The following ASIC2 variants were observed in gnomAD, a reference collection of about 807,000 sequenced individuals.
ASIC2 encodes the protein acid sensing ion channel subunit 2, also known as acid-sensing ion channel 2.
Under a neutral mutation model 57.3 loss-of-function variants are expected in ASIC2, and 25 were observed. The observed-to-expected ratio is 0.44, with a 90% confidence interval of 0.32 to 0.61. The LOEUF (loss-of-function observed/expected upper bound fraction) is 0.61, where lower values mean the gene tolerates loss of function less well. ASIC2 is among the 20% of genes least tolerant of loss of function. ASIC2 has a pLI of 0.06. For missense variants in ASIC2, 641 were observed against 738.1 expected, an observed-to-expected ratio of 0.87 and a Z score of 1.52; for synonymous variants, 319 against 307.5, an observed-to-expected ratio of 1.04 and a Z score of -0.39.
At chr17:33,537,236 T>C (rs969192518) in intron 1 of ASIC2, among the ~76,000 whole-genome samples, 1 of 152,176 alleles carries the variant, frequency 6.6e-6, no homozygotes, top group Non-Finnish European at 1.5e-5. Context: ...ACATAGCTTG[T>C]TCTGGTGTCA....
chr17:33,389,732 A>G (rs1909822794), intron 1 of ASIC2, among the ~76,000 whole-genome samples: 1 of 152,224 alleles, frequency 6.6e-6, no homozygotes, highest in African/African-American at 2.4e-5. Context: ...GTCTGTCTTC[A>G]TGCATGTGAA....
chr17:33,029,666 T>C (rs1022877248), intron 3 of ASIC2, among the ~76,000 whole-genome samples: 1 of 152,216 alleles, frequency 6.6e-6, no homozygotes, highest in Non-Finnish European at 1.5e-5. Flanking sequence ...GAACAGCTGG[T>C]TTGTAAGATA....
chr17:33,907,584 C>T (rs1221761241), intron 1 of ASIC2, among the ~76,000 whole-genome samples: 1 of 152,194 alleles, frequency 6.6e-6, no homozygotes, highest in Non-Finnish European at 1.5e-5. Flanking sequence ...GCCCACCAGG[C>T]TCATCTCAGC....
intron 1 of ASIC2, among the ~76,000 whole-genome samples, chr17:34,131,590 T>TG (rs993929420): frequency 6.4e-4 from 97 of 152,272 alleles, no homozygotes; most frequent in Non-Finnish European, 1.2e-3. Context: ...CAACCATTCC[T>TG]GGGGGGAAGC....
intron 1 of ASIC2, among the ~76,000 whole-genome samples, chr17:33,966,487 G>C: frequency 6.6e-6 from 1 of 152,034 alleles, no homozygotes; most frequent in Non-Finnish European, 1.5e-5. Flanking sequence ...AAACATATCC[G>C]AACCGCCATA....
In ASIC2 at chr17:33,704,243, G is replaced by A. The variant is rs905402726; in HGVS notation, c.555+451735C>T. Among the ~76,000 whole-genome samples, 7 of 152,198 alleles carry A rather than the reference G, an allele frequency of 4.6e-5. No individual in the cohort carries two copies. In the East Asian group the frequency reaches 7.7e-4, roughly 17 times the overall value. ...CTGTCCTCAAACTGATGCTTTGCTC[G>A]TTATCATGTAAAAAACACAACCCTG... On this transcript the variant is annotated intron_variant, in intron 1 of 9. Coordinates refer to the ASIC2 transcript ENST00000359872.
chr17:33,328,850 A>G (rs1415435205), intron 1 of ASIC2, among the ~76,000 whole-genome samples: 1 of 152,236 alleles, frequency 6.6e-6, no homozygotes, highest in Non-Finnish European at 1.5e-5. Context: ...ATATATACAT[A>G]CATGTATAAA....
chr17:33,300,727 A>G (rs994563529), intron 1 of ASIC2, among the ~76,000 whole-genome samples: 7 of 152,194 alleles, frequency 4.6e-5, no homozygotes, highest in Non-Finnish European at 7.3e-5. Flanking sequence ...TGGCAGAGAG[A>G]TCCAGTTTAG....
At chr17:33,874,188 A>T (rs1914493999) in intron 1 of ASIC2, among the ~76,000 whole-genome samples, 1 of 152,182 alleles carries the variant, frequency 6.6e-6, no homozygotes, top group South Asian at 2.1e-4. Context: ...CCTCTGTCAC[A>T]GCTGGCTGGG....
At chr17:33,909,434 C>T (rs1915414752) in intron 1 of ASIC2, among the ~76,000 whole-genome samples, 2 of 152,182 alleles carry the variant, frequency 1.3e-5, no homozygotes, top group African/African-American at 2.4e-5. Context: ...GGGATGCCTT[C>T]GGGTGAAGGT....
chr17:33,656,737 T>C lies in ASIC2; in HGVS notation c.555+499241A>G, dbSNP rs147939219. ...ACACCCCATGTTCCCCTATGGTGGG[T>C]CTTTATCCCCTCCTGAGTTATAATC... On this transcript the variant is annotated intron_variant, in intron 1 of 9. Coordinates refer to the ASIC2 transcript ENST00000359872. 8.5e-5 allele frequency among the ~76,000 whole-genome samples: 13 copies of C among 152,252 alleles called. No individual in the cohort carries two copies. In the East Asian group the frequency reaches 2.3e-3, roughly 27 times the overall value.
At chr17:33,584,699 G>T (rs1015812417) in intron 1 of ASIC2, among the ~76,000 whole-genome samples, 2 of 151,062 alleles carry the variant, frequency 1.3e-5, no homozygotes, top group Admixed American at 6.6e-5. Flanking sequence ...CTTGGGGTGG[G>T]GTTTGATGGG....
chr17:33,191,616 TGAGGAGGAG>T (rs933299426), intron 1 of ASIC2, among the ~76,000 whole-genome samples: 1 of 145,862 alleles, frequency 6.9e-6, no homozygotes, highest in Non-Finnish European at 1.5e-5. Flanking sequence ...GGGAGGAGAA[TGAGGAGGAG>T]GAGGAGGAGA....
At chr17:33,302,425 C>T (rs553107704) in intron 1 of ASIC2, among the ~76,000 whole-genome samples, 13 of 152,268 alleles carry the variant, frequency 8.5e-5, no homozygotes, top group African/African-American at 3.1e-4. Context: ...TTAATCATGG[C>T]TCTCACCTGG....
chr17:33,613,451 G>A (rs1014468191), intron 1 of ASIC2, among the ~76,000 whole-genome samples: 4 of 144,642 alleles, frequency 2.8e-5, no homozygotes, highest in South Asian at 2.2e-4. Context: ...TGCAAGCTCC[G>A]CCTTCCGGAT....
intron 1 of ASIC2, among the ~76,000 whole-genome samples, chr17:34,033,157 A>G (rs1380289770): frequency 6.6e-6 from 1 of 152,210 alleles, no homozygotes; most frequent in African/African-American, 2.4e-5. Flanking sequence ...AAATTATAAC[A>G]AACTGTCTCT....
rs1247449495 is a variant in ASIC2, at chr17:33,566,817, T to C, written c.556-454750A>G. On this transcript the variant is annotated intron_variant, in intron 1 of 9. Transcript: ENST00000359872. Reference sequence around the variant, plus strand: ...TGACACACAGGGCCCTCCGTGATCTTTCCTGACTGTGTCCCCTGCTGTCTC... The same window carrying C: ...TGACACACAGGGCCCTCCGTGATCTCTCCTGACTGTGTCCCCTGCTGTCTC... Among the ~76,000 whole-genome samples, 3 of 152,134 alleles carry C rather than the reference T, an allele frequency of 2.0e-5. 1 individual carries two copies. The highest frequency in any genetic ancestry group is 2.0e-4 in the Admixed American group (3 of 15,280).
intron 1 of ASIC2, among the ~76,000 whole-genome samples, chr17:33,879,916 C>T (rs1337077259): frequency 6.6e-6 from 1 of 152,210 alleles, no homozygotes; most frequent in African/African-American, 2.4e-5. Flanking sequence ...TCTCAGACCA[C>T]AGTGCAATCA....
At chr17:33,976,058 C>T (rs138234409) in intron 1 of ASIC2, among the ~76,000 whole-genome samples, 13 of 151,880 alleles carry the variant, frequency 8.6e-5, no homozygotes, top group East Asian at 5.9e-4. Context: ...ATTGGATGGA[C>T]GCTCTTGGAT....
Sources: gnomAD v4.1 joint callset for allele counts (sites outside exome capture counted in the v4.1 genomes callset) on GRCh38, gnomAD v4.1.1 for gene constraint, MANE v1.5 for transcripts, NCBI Gene and HGNC (gene_info 2026-07-23, HGNC 2026-07-21) for gene names.